NDFIP1: variants seen among roughly 807,000 people sequenced by gnomAD.
NDFIP1 encodes the protein Nedd4 family interacting protein 1, also known as NEDD4 family-interacting protein 1.
NDFIP1 carries 7 observed loss-of-function variants against 28.8 expected under a neutral mutation model. The observed-to-expected ratio is 0.24, with a 90% confidence interval of 0.14 to 0.46. The LOEUF is 0.46. Ranked by LOEUF, NDFIP1 falls within the 20% of genes least tolerant of loss-of-function variation. NDFIP1 has a pLI of 0.99. For missense variants in NDFIP1, 194 were observed against 269.1 expected (o/e 0.72, Z 1.95); for synonymous variants, 92 against 101.0 (o/e 0.91, Z 0.53).
In NDFIP1 at chr5:142,152,455, C is replaced by G. The variant is rs980105199; in HGVS notation, c.*727C>G. ...GAAGCTTAATTACTAAAATGTAATT[C>G]TTGACACTCTTTCTATAATTAGCGT... is the stretch of plus-strand genomic sequence containing the variant. On this transcript the variant is annotated 3_prime_UTR_variant, in exon 8 of 8. Transcript: ENST00000253814. 6.6e-6 allele frequency: 1 copy of G among 152,210 alleles called. No individual in the cohort carries two copies. Among genetic ancestry groups the G allele is most frequent in the Non-Finnish European group, 1.5e-5 (1 of 68,016 alleles). 9.4% of individuals were successfully genotyped at this position (152,210 alleles called of 1,614,324 possible). A position where few individuals can be genotyped will look rare whatever the true frequency, so the allele number is the denominator to read the frequency against.
intron 3 of NDFIP1, among the ~76,000 whole-genome samples, chr5:142,133,363 C>T (rs1757244576): frequency 2.0e-5 from 3 of 152,322 alleles, no homozygotes; most frequent in Admixed American, 2.0e-4. Flanking sequence ...ATGCTTGGTA[C>T]TGTGCTTGAT....
rs1371390710 is a variant in NDFIP1, at chr5:142,112,834, A to T, written c.63+3797A>T. Among the ~76,000 whole-genome samples the T allele has an allele frequency of 2.8e-3, 406 of 146,644 alleles. 2 individuals are homozygous for T. The highest frequency in any genetic ancestry group is 9.5e-3 in the African/African-American group (381 of 40,082). ...TTATAGGTTCCCCTGGCATTATTTT[A>T]TTTTTTTTTTCATTTTTGCCTTTTG... is the stretch of plus-strand genomic sequence containing the variant. On this transcript the variant is annotated intron_variant, in intron 1 of 7. Coordinates refer to ENST00000253814, the MANE Select transcript of NDFIP1 (RefSeq NM_030571.4).
intron 1 of NDFIP1, among the ~76,000 whole-genome samples, chr5:142,120,358 G>A (rs1203451346): frequency 1.3e-5 from 2 of 152,128 alleles, no homozygotes; most frequent in Non-Finnish European, 2.9e-5. Flanking sequence ...ACTTCTACCA[G>A]TACCTGGTGC....
chr5:142,130,194 A>G (rs919390973), intron 1 of NDFIP1, among the ~76,000 whole-genome samples: 2 of 152,202 alleles, frequency 1.3e-5, no homozygotes, highest in Non-Finnish European at 2.9e-5. Flanking sequence ...CATGTTTTAA[A>G]TTAATATAGT....
At chr5:142,141,959 C>G (rs1314216875) in intron 6 of NDFIP1, among the ~76,000 whole-genome samples, 1 of 152,072 alleles carries the variant, frequency 6.6e-6, no homozygotes, top group Non-Finnish European at 1.5e-5. Context: ...CATAGCAAGA[C>G]CTCGTCTCTA....
intron 6 of NDFIP1, chr5:142,144,192 T>TTTG (rs34849226): frequency 0.011 from 1,788 of 156,428 alleles, 21 homozygotes; most frequent in Middle Eastern, 0.02. Context: ...ATAACCTCTT[T>TTTG]TTGTTGTTGT....
chr5:142,109,256 A>G (rs956555515), intron 1 of NDFIP1, among the ~76,000 whole-genome samples: 2 of 152,132 alleles, frequency 1.3e-5, no homozygotes, highest in Admixed American at 6.5e-5. Context: ...CCGGCGGTGG[A>G]AAGTCCTCCT....
intron 5 of NDFIP1, chr5:142,138,096 CT>C (rs1190500619): frequency 2.6e-6 from 1 of 384,884 alleles, no homozygotes; most frequent in Non-Finnish European, 4.7e-6. Flanking sequence ...TCACCATCTG[CT>C]TTGTTTGTTT....
intron 1 of NDFIP1, among the ~76,000 whole-genome samples, chr5:142,117,006 C>T (rs1401856758): frequency 7.3e-5 from 11 of 151,702 alleles, no homozygotes; most frequent in African/African-American, 2.7e-4. Flanking sequence ...CCACCGTGCC[C>T]GGCCCATATG....
chr5:142,109,423 A>G (rs541152618), intron 1 of NDFIP1, among the ~76,000 whole-genome samples: 2 of 152,352 alleles, frequency 1.3e-5, no homozygotes, highest in African/African-American at 4.8e-5. Context: ...TGAAACGGAA[A>G]CTGGGTGGAG....
At chr5:142,141,581 G>T (rs1446204991) in intron 6 of NDFIP1, among the ~76,000 whole-genome samples, 1 of 152,098 alleles carries the variant, frequency 6.6e-6, no homozygotes, top group East Asian at 1.9e-4. Context: ...TTGGCTTCTT[G>T]ATTATATGTA....
intron 1 of NDFIP1, among the ~76,000 whole-genome samples, chr5:142,119,977 A>G (rs1190353528): frequency 6.6e-6 from 1 of 152,188 alleles, no homozygotes; most frequent in Non-Finnish European, 1.5e-5. Flanking sequence ...TATTTTTGAG[A>G]CGGAGTCTCG....
rs188588319 is a variant in NDFIP1 at position 142,126,812 on chromosome 5, T to C, written c.64-4996T>C. ...GGCGGTGGTGAAGCTTTCTTGCTGA[T>C]TGGGAACTCAAATAATAGTTTAAAT... On this transcript the variant is annotated intron_variant, in intron 1 of 7. Coordinates refer to ENST00000253814, the MANE Select transcript of NDFIP1 (RefSeq NM_030571.4). Among the ~76,000 whole-genome samples the C allele has an allele frequency of 4.1e-3, 626 of 152,224 alleles. 2 individuals are homozygous for C. The highest frequency in any genetic ancestry group is 6.9e-3 in the Non-Finnish European group (469 of 67,996).
chr5:142,127,607 C>G (rs1245644590), intron 1 of NDFIP1, among the ~76,000 whole-genome samples: 1 of 152,164 alleles, frequency 6.6e-6, no homozygotes, highest in Non-Finnish European at 1.5e-5. Context: ...TTAAACTCTA[C>G]TTTGTATGGC....
chr5:142,119,618 T>C (rs1284566371), intron 1 of NDFIP1, among the ~76,000 whole-genome samples: 1 of 152,166 alleles, frequency 6.6e-6, no homozygotes, highest in African/African-American at 2.4e-5. Context: ...TTTTTTTTTC[T>C]TTTTAAACAA....
intron 1 of NDFIP1, among the ~76,000 whole-genome samples, chr5:142,112,169 C>T (rs1269549525): frequency 2.0e-5 from 3 of 152,070 alleles, no homozygotes; most frequent in Non-Finnish European, 1.5e-5. Flanking sequence ...ACAAAGATCA[C>T]GAGGTCAAGA....
intron 7 of NDFIP1, among the ~76,000 whole-genome samples, chr5:142,145,921 G>C (rs1757383947): frequency 6.6e-6 from 1 of 152,156 alleles, no homozygotes; most frequent in Non-Finnish European, 1.5e-5. Context: ...CAATTTTGAA[G>C]ACTTGTGGTG....
intron 1 of NDFIP1, 106 bp downstream of exon 1, chr5:142,109,143 G>T: frequency 9.5e-7 from 1 of 1,047,972 alleles, no homozygotes; most frequent in South Asian, 4.0e-5. Context: ...CGACGCCGGG[G>T]CTTGGCAGGC....
At chr5:142,117,537 G>T (rs1561598170) in intron 1 of NDFIP1, among the ~76,000 whole-genome samples, 1 of 152,018 alleles carries the variant, frequency 6.6e-6, no homozygotes, top group Non-Finnish European at 1.5e-5. Flanking sequence ...CACTGCGCCT[G>T]GCCGATTTCA....
Sources: allele counts gnomAD v4.1 joint callset (sites outside exome capture counted in the v4.1 genomes callset), GRCh38; gene constraint gnomAD v4.1.1; transcripts MANE v1.5; gene names NCBI Gene and HGNC (gene_info 2026-07-23, HGNC 2026-07-21).